Variants in IREB2 observed in about 807,000 individuals in gnomAD.
The protein encoded by IREB2 is iron responsive element binding protein 2.
IREB2 carries 39 observed loss-of-function variants against 118.8 expected under a neutral mutation model. The ratio of observed to expected loss-of-function variants is 0.33; its 90% CI spans 0.25 to 0.43. IREB2 has a LOEUF of 0.43. IREB2 is among the 20% of genes least tolerant of loss of function. The pLI is 1.00. For missense variants in IREB2, 900 were observed against 1,147.3 expected (o/e 0.78, Z 3.11); for synonymous variants, 372 against 392.2 (o/e 0.95, Z 0.61).
At chr15:78,486,504 C>T (rs2051662028) in intron 13 of IREB2, among the ~76,000 whole-genome samples, 1 of 152,086 alleles carries the variant, frequency 6.6e-6, no homozygotes, top group Non-Finnish European at 1.5e-5. Context: ...ACTCAGGAGG[C>T]TGAGGCAGAA....
chr15:78,498,086 A>G lies in IREB2; in HGVS notation c.2835A>G (p.Glu945=), dbSNP rs751825559. The G allele has an allele frequency of 6.2e-7, 1 of 1,613,536 alleles. No individual in the cohort carries two copies. The highest frequency in any genetic ancestry group is 1.1e-5 in the South Asian group (1 of 91,064). ...TTGCTTCGTTTGAAGATGATGTGGA[A>G]ATAACATTATACAAACATGGAGGAT... The part of the protein sequence containing the change: ...SVIASFEDDV[E]ITLYKHGGLL... Residue 945 remains glutamate (E), a synonymous_variant, in exon 22 of 22, where the codon GAA becomes GAG. Coordinates refer to ENST00000258886, the MANE Select transcript of IREB2 (RefSeq NM_004136.4).
At chr15:78,482,772 G>A (rs1268335428) in intron 10 of IREB2, among the ~76,000 whole-genome samples, 1 of 151,270 alleles carries the variant, frequency 6.6e-6, no homozygotes, top group African/African-American at 2.4e-5. Flanking sequence ...TTTTGAGACG[G>A]AGTCTCGCTG....
At position 78,500,414 on chromosome 15, in the gene IREB2, T is replaced by G. The variant is rs943728052; in HGVS notation, c.*2271T>G. 2 of 152,122 alleles carry G rather than the reference T, an allele frequency of 1.3e-5. No homozygotes were observed. Among genetic ancestry groups the G allele is most frequent in the Non-Finnish European group, 2.9e-5 (2 of 68,018 alleles). The allele number at this position is 152,122 out of a possible 1,614,324, so 9.4% of individuals were successfully genotyped here. A position where few individuals can be genotyped will look rare whatever the true frequency, so the allele number is the denominator to read the frequency against. ...TGAGGAGGAGAGTCTTGGATGTATGTTTTAATATGTATACCTTATAATTCT... is the reference window on the plus strand; with the variant it reads ...TGAGGAGGAGAGTCTTGGATGTATGGTTTAATATGTATACCTTATAATTCT... On this transcript the variant is annotated 3_prime_UTR_variant, in exon 22 of 22. Coordinates refer to ENST00000258886, the MANE Select transcript of IREB2 (RefSeq NM_004136.4).
At position 78,451,215 on chromosome 15, in the gene IREB2, C is replaced by G. The variant is rs1302650238; in HGVS notation, c.106+11334C>G. 2.6e-5 allele frequency among the ~76,000 whole-genome samples: 4 copies of G among 152,226 alleles called. No individual in the cohort carries two copies. The East Asian group carries it at 7.7e-4, about 29-fold the overall frequency. ...TCCTGACCTCAGATGATCCACCCAC[C>G]TCGGCCTCCCAAAGTGCTGGGATTA... On this transcript the variant is annotated intron_variant, in intron 2 of 21. Coordinates refer to ENST00000258886, the MANE Select transcript of IREB2 (RefSeq NM_004136.4).
intron 2 of IREB2, among the ~76,000 whole-genome samples, chr15:78,450,753 G>T (rs1374990072): frequency 3.9e-5 from 6 of 151,988 alleles, no homozygotes; most frequent in Non-Finnish European, 7.4e-5. Context: ...CAGGCAGGAT[G>T]CCTTCAGAGT....
At chr15:78,473,722 G>C (rs1020313784) in intron 8 of IREB2, 1 of 175,984 alleles carries the variant, frequency 5.7e-6, no homozygotes, top group Non-Finnish European at 1.2e-5. Flanking sequence ...AGTAGTAAGG[G>C]GTAGAGCAAA....
intron 8 of IREB2, chr15:78,473,619 C>G: frequency 4.6e-6 from 2 of 437,386 alleles, no homozygotes; most frequent in Non-Finnish European, 8.2e-6. Context: ...TATAACAAGC[C>G]TGTGAGATGG....
intron 20 of IREB2, among the ~76,000 whole-genome samples, chr15:78,495,133 C>A (rs1238458799): frequency 1.3e-5 from 2 of 152,122 alleles, no homozygotes; most frequent in Non-Finnish European, 2.9e-5. Flanking sequence ...CTTCTCTTTA[C>A]AATTGTAGCT....
At position 78,485,731 on chromosome 15, in the gene IREB2, G is replaced by A. The variant is rs557045393; in HGVS notation, c.1600G>A (p.Ala534Thr). The change falls in exon 13 of 22, where the codon GCT becomes ACT. Residue 534 changes from alanine to threonine, a missense_variant. Physicochemically the swap from Ala to Thr is moderately conservative, Grantham distance 58 (BLOSUM62 0). Coordinates refer to ENST00000258886, the MANE Select transcript of IREB2 (RefSeq NM_004136.4). ...AGLLAKKAVE[A>T]GLRVKPYIRT... ...TCTTTTGGCTAAAAAGGCTGTTGAA[G>A]CTGGTCTGCGTGTTAAACCTTATAT... The A allele has an allele frequency of 2.1e-5, 34 of 1,613,840 alleles. No homozygotes were observed. In the East Asian group the frequency reaches 7.4e-4, roughly 35 times the overall value.
chr15:78,497,359 G>A, intron 21 of IREB2, 48 bp downstream of exon 21: 1 of 1,281,876 alleles, frequency 7.8e-7, no homozygotes, highest in Non-Finnish European at 1.1e-6. Context: ...AAATGTTTAT[G>A]AATTATTGAA....
intron 9 of IREB2, among the ~76,000 whole-genome samples, chr15:78,478,052 C>T (rs1277263194): frequency 6.6e-6 from 1 of 151,272 alleles, no homozygotes; most frequent in Non-Finnish European, 1.5e-5. Context: ...ACAAGACCCT[C>T]CCGCCACCCC....
rs1168722953 is a variant in IREB2, at chr15:78,498,857, T to A, written c.*714T>A. 1 of 152,256 alleles carries A rather than the reference T, an allele frequency of 6.6e-6. No homozygotes were observed. The highest frequency in any genetic ancestry group is 2.4e-5 in the African/African-American group (1 of 41,464). 9.4% of individuals were successfully genotyped at this position (152,256 alleles called of 1,614,324 possible). A position where few individuals can be genotyped will look rare whatever the true frequency, so the allele number is the denominator to read the frequency against. On this transcript the variant is annotated 3_prime_UTR_variant, in exon 22 of 22. Transcript: ENST00000258886. ...TCACATATGATGCAGCCTTTCATATTTCAGCAGTTTGCCACTGTGACTGTC... is the reference window on the plus strand; with the variant it reads ...TCACATATGATGCAGCCTTTCATATATCAGCAGTTTGCCACTGTGACTGTC...
chr15:78,441,028 C>T (rs1376584000), intron 2 of IREB2, among the ~76,000 whole-genome samples: 1 of 152,218 alleles, frequency 6.6e-6, no homozygotes, highest in Non-Finnish European at 1.5e-5. Context: ...AATGCCACAT[C>T]TGTTGCAGTC....
chr15:78,471,968 A>G, intron 7 of IREB2, 44 bp downstream of exon 7: 1 of 1,384,264 alleles, frequency 7.2e-7, no homozygotes, highest in Non-Finnish European at 9.7e-7. Flanking sequence ...TGGGGTAAGG[A>G]TGTCAAGAAC....
At chr15:78,490,046 G>A (rs887207101) in intron 16 of IREB2, among the ~76,000 whole-genome samples, 2 of 152,016 alleles carry the variant, frequency 1.3e-5, no homozygotes, top group African/African-American at 4.8e-5. Flanking sequence ...GAGTGTTCCT[G>A]AACATCTGGT....
rs1031032016 is a variant in IREB2, at chr15:78,476,880, CAG to C, written c.1195+523_1195+524del. On this transcript the variant is annotated intron_variant, in intron 9 of 21. Coordinates refer to ENST00000258886, the MANE Select transcript of IREB2 (RefSeq NM_004136.4). The stretch of plus-strand genomic sequence containing the variant: ...CTTCCATTGGCTGTTTAGATTAAAA[CAG>C]AAAGTATCTACAAAACAAGATATGT... 1.3e-4 allele frequency among the ~76,000 whole-genome samples: 20 copies of C among 152,132 alleles called. 1 individual carries two copies. Among genetic ancestry groups the C allele is most frequent in the South Asian group, 6.2e-4 (3 of 4,822 alleles).
intron 2 of IREB2, among the ~76,000 whole-genome samples, chr15:78,447,611 G>T (rs1329264546): frequency 6.6e-6 from 1 of 151,994 alleles, no homozygotes; most frequent in Non-Finnish European, 1.5e-5. Flanking sequence ...GAGTACAGGC[G>T]TGAGCCACCA....
chr15:78,439,886 T>TATTA lies in IREB2; in HGVS notation c.106+5_106+6insATTA. 1 of 1,544,540 alleles carries TATTA rather than the reference T, an allele frequency of 6.5e-7. No homozygotes were observed. Among genetic ancestry groups the TATTA allele is most frequent in the Non-Finnish European group, 8.9e-7 (1 of 1,122,588 alleles). On this transcript the variant is annotated splice_donor_region_variant and intron_variant, in intron 2 of 21. Coordinates refer to ENST00000258886, the MANE Select transcript of IREB2 (RefSeq NM_004136.4). ...CTAAACTTGGCACCAAGTATGGTAATGTTGCTTTACATTTTCTTGGGTTTG... is the reference window on the plus strand; with the variant it reads ...CTAAACTTGGCACCAAGTATGGTAATATTAGTTGCTTTACATTTTCTTGGGTTTG...
intron 2 of IREB2, among the ~76,000 whole-genome samples, chr15:78,444,040 T>C (rs532078281): frequency 6.6e-6 from 1 of 152,100 alleles, no homozygotes; most frequent in African/African-American, 2.4e-5. Context: ...AGTCTCAAAA[T>C]GTAGATTTTG....
Sources: gnomAD v4.1 joint callset for allele counts (sites outside exome capture counted in the v4.1 genomes callset) on GRCh38, gnomAD v4.1.1 for gene constraint, MANE v1.5 for transcripts, NCBI Gene and HGNC (gene_info 2026-07-23, HGNC 2026-07-21) for gene names.